The following STK39 variants were observed in gnomAD, a reference collection of about 807,000 sequenced individuals.
STK39 encodes serine/threonine kinase 39.
A neutral mutation model predicts 77.8 loss-of-function variants in STK39; 20 were observed. The observed-to-expected ratio is 0.26, with a 90% CI of 0.18 to 0.37. The LOEUF is 0.37. STK39 is among the 10% of genes least tolerant of loss of function. The probability of loss-of-function intolerance (pLI) is 1.00; values close to 1 mark genes in which losing one functional copy is unlikely to be tolerated. For synonymous variants in STK39, 246 were observed against 234.1 expected (o/e 1.05, Z -0.47); for missense variants, 479 against 656.5 (o/e 0.73, Z 2.95).
chr2:168,187,989 A>C (rs1236043751), intron 1 of STK39, among the ~76,000 whole-genome samples: 1 of 152,206 alleles, frequency 6.6e-6, no homozygotes, highest in Non-Finnish European at 1.5e-5. Flanking sequence ...CTTTAATAAG[A>C]GTTTGACCAT....
intron 14 of STK39, among the ~76,000 whole-genome samples, chr2:168,030,044 T>C (rs1191511261): frequency 1.3e-5 from 2 of 152,002 alleles, no homozygotes; most frequent in Admixed American, 1.3e-4. Context: ...ATAGAGACCA[T>C]CCTGGCTAAC....
chr2:168,068,645 C>A (rs2105393390), intron 12 of STK39, among the ~76,000 whole-genome samples: 1 of 152,294 alleles, frequency 6.6e-6, no homozygotes, highest in Admixed American at 6.5e-5. Context: ...ATTCCAAAAT[C>A]AAAAGTTCAT....
At chr2:168,016,513 T>C (rs888103749) in intron 15 of STK39, among the ~76,000 whole-genome samples, 6 of 152,096 alleles carry the variant, frequency 3.9e-5, no homozygotes, top group Non-Finnish European at 7.4e-5. Flanking sequence ...AGTTTGTGTC[T>C]TCCTGCAGGT....
intron 14 of STK39, among the ~76,000 whole-genome samples, chr2:168,061,018 C>A (rs928795927): frequency 6.6e-6 from 1 of 152,146 alleles, no homozygotes; most frequent in Admixed American, 6.5e-5. Context: ...GATTGAAACA[C>A]ACAGTGGACA....
chr2:168,065,207 G>T, intron 13 of STK39, 112 bp downstream of exon 13: 1 of 1,103,186 alleles, frequency 9.1e-7, no homozygotes, highest in Non-Finnish European at 1.4e-6. Flanking sequence ...CAGCTTATAA[G>T]CCCTTGATTT....
intron 14 of STK39, among the ~76,000 whole-genome samples, chr2:168,018,440 C>G (rs1470517902): frequency 6.7e-6 from 1 of 149,940 alleles, no homozygotes; most frequent in Admixed American, 6.6e-5. Flanking sequence ...TTGCAGTTAG[C>G]CAAAATCACA....
intron 10 of STK39, among the ~76,000 whole-genome samples, chr2:168,078,684 A>C (rs929302984): frequency 2.2e-4 from 33 of 151,994 alleles, no homozygotes; most frequent in African/African-American, 8.0e-4. Context: ...TACTGACCCA[A>C]AGAAATACTG....
intron 14 of STK39, among the ~76,000 whole-genome samples, chr2:168,044,163 T>C (rs894727467): frequency 6.6e-6 from 1 of 152,200 alleles, no homozygotes; most frequent in Non-Finnish European, 1.5e-5. Flanking sequence ...TAGCTGACTT[T>C]TGAGAGAAAG....
At chr2:168,211,471 G>C (rs1689889473) in intron 1 of STK39, among the ~76,000 whole-genome samples, 2 of 152,208 alleles carry the variant, frequency 1.3e-5, no homozygotes, top group South Asian at 4.1e-4. Flanking sequence ...CCAACCCTGT[G>C]AAGAGACAGG....
chr2:168,236,840 T>G (rs906910389), intron 1 of STK39, among the ~76,000 whole-genome samples: 4 of 152,170 alleles, frequency 2.6e-5, no homozygotes, highest in African/African-American at 4.8e-5. Context: ...CATGCTGTTT[T>G]GGTTACTGTA....
At chr2:168,135,997 T>TC (rs1158330991) in intron 8 of STK39, among the ~76,000 whole-genome samples, 1 of 151,628 alleles carries the variant, frequency 6.6e-6, no homozygotes, top group Non-Finnish European at 1.5e-5. Context: ...ATTTTTTTTT[T>TC]TTTTGGTGGA....
At chr2:168,008,170 CT>C (rs1452112032) in intron 16 of STK39, among the ~76,000 whole-genome samples, 2 of 152,138 alleles carry the variant, frequency 1.3e-5, no homozygotes, top group East Asian at 3.9e-4. Flanking sequence ...TTTACTTTAC[CT>C]GGATCTCTGG....
At chr2:168,232,867 G>C (rs1474800157) in intron 1 of STK39, among the ~76,000 whole-genome samples, 1 of 151,810 alleles carries the variant, frequency 6.6e-6, no homozygotes, top group Non-Finnish European at 1.5e-5. Flanking sequence ...AGCCGAGATC[G>C]CGCCATTGCA....
chr2:168,166,777 G>A (rs1349468251), intron 3 of STK39, among the ~76,000 whole-genome samples: 1 of 152,166 alleles, frequency 6.6e-6, no homozygotes, highest in East Asian at 1.9e-4. Context: ...CAGCACCTCA[G>A]AACATTTCCA....
At chr2:168,104,369 C>G (rs768852331) in intron 10 of STK39, among the ~76,000 whole-genome samples, 52 of 152,166 alleles carry the variant, frequency 3.4e-4, no homozygotes, top group Admixed American at 8.5e-4. Context: ...AGCAGGAACT[C>G]ACAACGAGAA....
At chr2:168,031,414 T>G (rs1684830285) in intron 14 of STK39, among the ~76,000 whole-genome samples, 1 of 152,142 alleles carries the variant, frequency 6.6e-6, no homozygotes. Flanking sequence ...ACACAACTCT[T>G]ATTAACACAG....
chr2:168,123,141 C>A (rs754422622), intron 10 of STK39, among the ~76,000 whole-genome samples: 7 of 152,086 alleles, frequency 4.6e-5, no homozygotes, highest in Non-Finnish European at 1.0e-4. Context: ...TCACACAGAC[C>A]TAAACGGAGG....
chr2:168,028,937 C>T (rs1684768535), intron 14 of STK39, among the ~76,000 whole-genome samples: 1 of 152,104 alleles, frequency 6.6e-6, no homozygotes, highest in African/African-American at 2.4e-5. Flanking sequence ...CAGTATATGG[C>T]GAGGTGGGTG....
intron 1 of STK39, among the ~76,000 whole-genome samples, chr2:168,235,803 C>T (rs1210987546): frequency 6.6e-6 from 1 of 152,156 alleles, no homozygotes; most frequent in East Asian, 1.9e-4. Flanking sequence ...TTTATGACTG[C>T]ATAGTATTCC....
Sources: gnomAD v4.1 joint callset for allele counts (sites outside exome capture counted in the v4.1 genomes callset) on GRCh38, gnomAD v4.1.1 for gene constraint, MANE v1.5 for transcripts, NCBI Gene and HGNC (gene_info 2026-07-23, HGNC 2026-07-21) for gene names.